The following RASEF variants were observed in gnomAD, a reference collection of about 807,000 sequenced individuals.
The protein encoded by RASEF is ras and EF-hand domain-containing protein.
Under a neutral mutation model 90.1 loss-of-function variants are expected in RASEF, and 68 were observed. That is an observed-to-expected ratio of 0.75 (90% CI 0.62 to 0.92). RASEF has a LOEUF of 0.92. Ranked by LOEUF, RASEF falls within the 40% of genes least tolerant of loss-of-function variation. RASEF has a pLI of 0.00. For missense variants in RASEF, 949 were observed against 937.2 expected, an observed-to-expected ratio of 1.01 and a Z score of -0.16; for synonymous variants, 331 against 345.2, an observed-to-expected ratio of 0.96 and a Z score of 0.46.
At chr9:83,095,452 T>A in the RASEF span, among the ~76,000 whole-genome samples, 1 of 149,050 alleles carries the variant, frequency 6.7e-6, no homozygotes, top group African/African-American at 2.5e-5. Context: ...CCTTCCCACC[T>A]TAGACTGTGT....
intron 13 of RASEF, among the ~76,000 whole-genome samples, chr9:82,997,608 G>A (rs983208884): frequency 6.6e-6 from 1 of 152,190 alleles, no homozygotes; most frequent in Non-Finnish European, 1.5e-5. Flanking sequence ...TGGGGGTCAG[G>A]AGATTCACCT....
intron 5 of RASEF, among the ~76,000 whole-genome samples, chr9:83,010,209 A>T (rs1394212187): frequency 6.6e-6 from 1 of 152,218 alleles, no homozygotes; most frequent in African/African-American, 2.4e-5. Flanking sequence ...TTTACACTTA[A>T]AAATAAACCA....
the RASEF span, among the ~76,000 whole-genome samples, chr9:83,110,365 C>G: frequency 6.6e-6 from 1 of 152,078 alleles, no homozygotes; most frequent in Non-Finnish European, 1.5e-5. Context: ...TCAGAGTATA[C>G]CAATAATTTA....
chr9:83,128,206 G>T, the RASEF span, among the ~76,000 whole-genome samples: 1 of 151,682 alleles, frequency 6.6e-6, no homozygotes. Flanking sequence ...ATGTTACTTT[G>T]TTCCTTGAAC....
the RASEF span, among the ~76,000 whole-genome samples, chr9:83,211,260 A>T: frequency 1.3e-5 from 2 of 152,166 alleles, no homozygotes; most frequent in Non-Finnish European, 2.9e-5. Flanking sequence ...GGGCACATAT[A>T]GTAGGTTATG....
intron 7 of RASEF, 62 bp downstream of exon 7, chr9:83,007,375 C>G (rs1587489576): frequency 7.6e-7 from 1 of 1,319,926 alleles, no homozygotes; most frequent in Non-Finnish European, 1.1e-6. Context: ...TGTGTTATGT[C>G]TTTTATTAAC....
At chr9:83,046,946 C>A (rs1457961023) in intron 1 of RASEF, among the ~76,000 whole-genome samples, 1 of 140,566 alleles carries the variant, frequency 7.1e-6, no homozygotes, top group Admixed American at 7.2e-5. Flanking sequence ...TCTATCTAGA[C>A]ATTTAAAATA....
the RASEF span, among the ~76,000 whole-genome samples, chr9:83,126,100 A>G: frequency 6.6e-6 from 1 of 152,158 alleles, no homozygotes; most frequent in Non-Finnish European, 1.5e-5. Flanking sequence ...GTTTCCTTAC[A>G]TATAAAAGGA....
chr9:83,037,943 T>A (rs190869529), intron 1 of RASEF, among the ~76,000 whole-genome samples: 1 of 152,054 alleles, frequency 6.6e-6, no homozygotes, highest in African/African-American at 2.4e-5. Context: ...TTAAACAAAT[T>A]CAATGATAAG....
At chr9:83,101,929 A>G in the RASEF span, among the ~76,000 whole-genome samples, 5 of 152,116 alleles carry the variant, frequency 3.3e-5, no homozygotes, top group African/African-American at 1.2e-4. Context: ...AAGCTTCTCT[A>G]ACACATATAT....
At chr9:83,037,526 C>T (rs905190525) in intron 1 of RASEF, among the ~76,000 whole-genome samples, 4 of 152,054 alleles carry the variant, frequency 2.6e-5, no homozygotes, top group African/African-American at 9.7e-5. Flanking sequence ...GAAGTAGAAA[C>T]ACACTGGAAT....
At chr9:83,147,057 TATAA>T in the RASEF span, among the ~76,000 whole-genome samples, 1 of 147,688 alleles carries the variant, frequency 6.8e-6, no homozygotes, top group Non-Finnish European at 1.5e-5. Context: ...TATATATATA[TATAA>T]ATATGTACAT....
chr9:82,986,190 T>C (rs976674491), intron 16 of RASEF, among the ~76,000 whole-genome samples: 2 of 152,206 alleles, frequency 1.3e-5, no homozygotes, highest in African/African-American at 2.4e-5. Context: ...GTCCTCACAT[T>C]GCCACTTACT....
chr9:83,201,938 A>T, the RASEF span: 2 of 152,906 alleles, frequency 1.3e-5, no homozygotes, highest in African/African-American at 4.8e-5. Flanking sequence ...AAATGCTAAC[A>T]TAACACTGCA....
the RASEF span, among the ~76,000 whole-genome samples, chr9:83,177,821 G>A: frequency 1.3e-5 from 2 of 151,854 alleles, no homozygotes; most frequent in Non-Finnish European, 2.9e-5. Flanking sequence ...ATTTCTTCTA[G>A]CCATTATTTC....
intron 5 of RASEF, among the ~76,000 whole-genome samples, chr9:83,012,121 C>G (rs1237516874): frequency 6.6e-6 from 1 of 151,438 alleles, no homozygotes; most frequent in Non-Finnish European, 1.5e-5. Context: ...CACTAATATC[C>G]TCATCACTAA....
At chr9:83,043,823 A>G (rs1033367718) in intron 1 of RASEF, among the ~76,000 whole-genome samples, 9 of 152,054 alleles carry the variant, frequency 5.9e-5, no homozygotes, top group African/African-American at 1.9e-4. Context: ...TTACACACAC[A>G]AACTATTCAG....
chr9:83,044,447 AC>A (rs1431170868), intron 1 of RASEF, among the ~76,000 whole-genome samples: 8 of 151,748 alleles, frequency 5.3e-5, no homozygotes, highest in African/African-American at 1.9e-4. Flanking sequence ...GAATAATAAG[AC>A]CTCCCAGAGG....
At chr9:83,071,969 G>A in the RASEF span, among the ~76,000 whole-genome samples, 1 of 152,124 alleles carries the variant, frequency 6.6e-6, no homozygotes, top group Admixed American at 6.6e-5. Flanking sequence ...CATCACTAAG[G>A]CCAACCCAGA....
Sources: gnomAD v4.1 joint callset for allele counts (sites outside exome capture counted in the v4.1 genomes callset) on GRCh38, gnomAD v4.1.1 for gene constraint, MANE v1.5 for transcripts, NCBI Gene and HGNC (gene_info 2026-07-23, HGNC 2026-07-21) for gene names.